The following PTPRD variants were observed in gnomAD, a reference collection of about 807,000 sequenced individuals.
PTPRD encodes protein tyrosine phosphatase receptor type D.
PTPRD carries 34 observed loss-of-function variants against 214.5 expected under a neutral mutation model. The ratio of observed to expected loss-of-function variants is 0.16; its 90% CI spans 0.12 to 0.21. PTPRD has a LOEUF of 0.21. PTPRD is among the 10% of genes least tolerant of loss of function. The pLI, the probability that PTPRD is intolerant of heterozygous loss-of-function variation, is 1.00. For synonymous variants in PTPRD, 1,128 were observed against 845.7 expected (o/e 1.33, Z -5.79); for missense variants, 2,545 against 2,398.7 (o/e 1.06, Z -1.27).
intron 9 of PTPRD, among the ~76,000 whole-genome samples, chr9:9,267,970 G>A (rs887109949): frequency 6.6e-6 from 1 of 151,066 alleles, no homozygotes. Flanking sequence ...TCAGGAACAA[G>A]ACAAGGATGT....
chr9:10,443,855 A>G (rs1034948910), intron 2 of PTPRD, among the ~76,000 whole-genome samples: 5 of 151,508 alleles, frequency 3.3e-5, no homozygotes, highest in African/African-American at 1.2e-4. Context: ...TCACACACAC[A>G]CACACACACA....
chr9:8,832,691 G>C (rs1243009762), intron 11 of PTPRD, among the ~76,000 whole-genome samples: 1 of 151,918 alleles, frequency 6.6e-6, no homozygotes, highest in Non-Finnish European at 1.5e-5. Context: ...TCACAAAGAG[G>C]ATTATTTTAA....
At chr9:9,026,185 A>G (rs2099586506) in intron 10 of PTPRD, among the ~76,000 whole-genome samples, 1 of 151,944 alleles carries the variant, frequency 6.6e-6, no homozygotes, top group Non-Finnish European at 1.5e-5. Context: ...AAGAACAGCC[A>G]TGCCACAAGG....
chr9:10,210,932 T>A (rs1230463331), intron 3 of PTPRD, among the ~76,000 whole-genome samples: 1 of 150,048 alleles, frequency 6.7e-6, no homozygotes, highest in Non-Finnish European at 1.5e-5. Flanking sequence ...AAGTAAGTCA[T>A]TCCATAAAAT....
intron 9 of PTPRD, among the ~76,000 whole-genome samples, chr9:9,369,917 T>G (rs1240975988): frequency 6.6e-6 from 1 of 152,178 alleles, no homozygotes; most frequent in Non-Finnish European, 1.5e-5. Flanking sequence ...GATCAGATAG[T>G]TGTAGATACG....
chr9:8,457,926 A>C (rs2096263749), intron 33 of PTPRD, among the ~76,000 whole-genome samples: 1 of 152,160 alleles, frequency 6.6e-6, no homozygotes, highest in South Asian at 2.1e-4. Context: ...TATAAAAGAC[A>C]CTATTCATTG....
chr9:10,227,403 C>T (rs1268261289), intron 3 of PTPRD, among the ~76,000 whole-genome samples: 4 of 151,958 alleles, frequency 2.6e-5, no homozygotes, highest in South Asian at 4.2e-4. Context: ...TTCAGAGAAG[C>T]GTGGCAGAAA....
intron 11 of PTPRD, among the ~76,000 whole-genome samples, chr9:8,774,795 A>C (rs992131869): frequency 6.6e-6 from 1 of 152,122 alleles, no homozygotes; most frequent in African/African-American, 2.4e-5. Flanking sequence ...CGGCCTCCCA[A>C]AGTGCTGGAA....
rs2096472368 is a variant in PTPRD, at chr9:9,655,022, T to C, written c.-287+79511A>G. Reference sequence around the variant, plus strand: ...ATATATATAGATATAGATATATAGATATAGATATAGTCTACCTATCTGAAA... The same window carrying C: ...ATATATATAGATATAGATATATAGACATAGATATAGTCTACCTATCTGAAA... On this transcript the variant is annotated intron_variant, in intron 7 of 45. Coordinates refer to ENST00000381196, the MANE Select transcript of PTPRD (RefSeq NM_002839.4). Among the ~76,000 whole-genome samples the C allele has an allele frequency of 3.3e-5, 5 of 152,178 alleles. No individual in the cohort carries two copies. The South Asian group carries it at 8.3e-4, about 25-fold the overall frequency.
At chr9:10,458,463 C>G (rs181430623) in intron 2 of PTPRD, among the ~76,000 whole-genome samples, 15 of 152,202 alleles carry the variant, frequency 9.9e-5, no homozygotes, top group Admixed American at 5.9e-4. Context: ...ACAACTGAAG[C>G]AGGTAAAAAC....
At chr9:8,452,614 A>C (rs774557884) in intron 33 of PTPRD, among the ~76,000 whole-genome samples, 1 of 152,210 alleles carries the variant, frequency 6.6e-6, no homozygotes, top group Non-Finnish European at 1.5e-5. Flanking sequence ...TATTAAGATT[A>C]TAAAATGTTA....
At chr9:9,299,546 ATTG>A (rs1954446427) in intron 9 of PTPRD, among the ~76,000 whole-genome samples, 1 of 151,728 alleles carries the variant, frequency 6.6e-6, no homozygotes, top group South Asian at 2.1e-4. Context: ...GGATTTAAAT[ATTG>A]CTATGGACTG....
intron 14 of PTPRD, among the ~76,000 whole-genome samples, chr9:8,605,416 C>T (rs1302336416): frequency 6.6e-6 from 1 of 152,116 alleles, no homozygotes; most frequent in African/African-American, 2.4e-5. Flanking sequence ...TTCTACCTCA[C>T]CAAAACCATT....
chr9:8,781,728 G>A (rs1176560324), intron 11 of PTPRD, among the ~76,000 whole-genome samples: 1 of 152,164 alleles, frequency 6.6e-6, no homozygotes, highest in Non-Finnish European at 1.5e-5. Context: ...GATGCAGGAA[G>A]GTCAGGCTGA....
intron 11 of PTPRD, among the ~76,000 whole-genome samples, chr9:8,755,341 C>A (rs915600888): frequency 6.6e-6 from 1 of 152,026 alleles, no homozygotes; most frequent in Non-Finnish European, 1.5e-5. Context: ...GCCAGCCTGG[C>A]CAACATGGTG....
chr9:9,649,117 G>A (rs1418273381), intron 7 of PTPRD, among the ~76,000 whole-genome samples: 1 of 152,086 alleles, frequency 6.6e-6, no homozygotes, highest in Non-Finnish European at 1.5e-5. Flanking sequence ...GTTATTCAGG[G>A]TCTGTGACTA....
chr9:9,472,359 G>A (rs1467044272), intron 8 of PTPRD, among the ~76,000 whole-genome samples: 5 of 151,142 alleles, frequency 3.3e-5, no homozygotes, highest in African/African-American at 7.3e-5. Flanking sequence ...GCCCGCCACC[G>A]CGCCCGGCTA....
intron 5 of PTPRD, among the ~76,000 whole-genome samples, chr9:9,865,600 G>T (rs2063766239): frequency 6.6e-6 from 1 of 152,076 alleles, no homozygotes; most frequent in Non-Finnish European, 1.5e-5. Flanking sequence ...AAGTCACCCA[G>T]TTTCAGATAT....
intron 2 of PTPRD, among the ~76,000 whole-genome samples, chr9:10,473,566 T>C (rs1209978572): frequency 1.3e-5 from 2 of 152,128 alleles, no homozygotes; most frequent in African/African-American, 4.8e-5. Flanking sequence ...AATTGTAACA[T>C]CAGAACTAAA....
Sources: gnomAD v4.1 joint callset for allele counts (sites outside exome capture counted in the v4.1 genomes callset) on GRCh38, gnomAD v4.1.1 for gene constraint, MANE v1.5 for transcripts, NCBI Gene and HGNC (gene_info 2026-07-23, HGNC 2026-07-21) for gene names.